The following HNRNPUL2 variants were observed in gnomAD, a reference collection of about 807,000 sequenced individuals.
HNRNPUL2 encodes heterogeneous nuclear ribonucleoprotein U like 2, also known as heterogeneous nuclear ribonucleoprotein U-like protein 2.
A neutral mutation model predicts 102.2 loss-of-function variants in HNRNPUL2; 27 were observed. The ratio of observed to expected loss-of-function variants is 0.26; its 90% CI spans 0.19 to 0.36. HNRNPUL2 has a LOEUF of 0.36. Ranked by LOEUF, HNRNPUL2 falls within the 10% of genes least tolerant of loss-of-function variation. HNRNPUL2 has a pLI of 1.00. For synonymous variants in HNRNPUL2, 458 were observed against 387.2 expected (o/e 1.18, Z -2.15); for missense variants, 936 against 981.1 (o/e 0.95, Z 0.61).
intron 10 of HNRNPUL2, 76 bp from the exon 11 acceptor site, chr11:62,717,265 A>T (rs2083667731): frequency 8.9e-7 from 1 of 1,129,138 alleles, no homozygotes; most frequent in Admixed American, 2.2e-5. Context: ...AAACTCTACA[A>T]GAAGCATATG....
rs748102939 is a variant in HNRNPUL2 at position 62,726,889 on chromosome 11, G to A, written c.268C>T (p.Leu90Phe). The A allele has an allele frequency of 5.7e-6, 9 of 1,572,922 alleles. No homozygotes were observed. In the Admixed American group the frequency reaches 1.2e-4, roughly 22 times the overall value. The change falls in exon 1 of 14, where the codon CTT becomes TTT. Residue 90 changes from leucine to phenylalanine, a missense_variant. Leu to Phe is a conservative substitution (Grantham distance 22). Around this residue, in one of 2 missense-constraint regions of HNRNPUL2, gnomAD observed 327 missense variants for 268.1 expected, o/e 1.22. Coordinates refer to ENST00000301785, the MANE Select transcript of HNRNPUL2 (RefSeq NM_001079559.3). Reference protein sequence around the residue: ...EEEEEDEEALLEDEDEEPPPA... With the variant: ...EEEEEDEEALFEDEDEEPPPA... ...GGTGGCTCCTCGTCCTCGTCCTCAA[G>A]CAGCGCCTCCTCGTCCTCCTCCTCC...
chr11:62,721,832 G>A lies in HNRNPUL2; in HGVS notation c.1470C>T (p.Leu490=). The A allele has an allele frequency of 6.2e-7, 1 of 1,614,112 alleles. No homozygotes were observed. The highest frequency in any genetic ancestry group is 8.5e-7 in the Non-Finnish European group (1 of 1,179,996). Residue 490 remains leucine (L), a synonymous_variant, in exon 8 of 14, where the codon CTC becomes CTT. Transcript: ENST00000301785. Reference sequence around the variant, plus strand: ...AACAGCAACTTACCCTCATTTGATTGAGCACAGTCTCAGCTCCCAGGACAT... The same window carrying A: ...AACAGCAACTTACCCTCATTTGATTAAGCACAGTCTCAGCTCCCAGGACAT... ...RYNVLGAETV[L]NQMRMKGLEE... is the part of the protein sequence containing the mutation.
Position 62,721,327 on chromosome 11 carries a change from A to G in HNRNPUL2, c.1579T>C (p.Ser527Pro). 6.2e-7 allele frequency: 1 copy of G among 1,608,262 alleles called. No homozygotes were observed. Among genetic ancestry groups the G allele is most frequent in the Non-Finnish European group, 8.5e-7 (1 of 1,178,270 alleles). ...AGAATAAAGTTCCTCTTTGTCCGGG[A>G]AGCAATCTGGACCAGCTTACTAAGG... ...QCLSKLVQIA[S>P]RTKRNFILDQ... Residue 527 changes from serine to proline, a missense_variant, in exon 9 of 14, where the codon TCC becomes CCC. Transcript: ENST00000301785.
In HNRNPUL2 at chr11:62,722,686, T is replaced by C. The variant is rs2083712569; in HGVS notation, c.1010A>G (p.Asp337Gly). Reference protein sequence around the residue: ...LGEDEFSYGFDGRGLKAENGQ... With the variant: ...LGEDEFSYGFGGRGLKAENGQ... Reference sequence around the variant, plus strand: ...ATTTTCTGCCTTGAGTCCTCGTCCATCGAAACCGTAAGAGAATTCATCTTC... The same window carrying C: ...ATTTTCTGCCTTGAGTCCTCGTCCACCGAAACCGTAAGAGAATTCATCTTC... Residue 337 changes from aspartate (D) to glycine (G), a missense_variant, in exon 6 of 14, where the codon GAT (aspartate) becomes GGT (glycine). Coordinates refer to ENST00000301785, the MANE Select transcript of HNRNPUL2 (RefSeq NM_001079559.3). 1 of 1,613,994 alleles carries C rather than the reference T, an allele frequency of 6.2e-7. No homozygotes were observed. The highest frequency in any genetic ancestry group is 8.5e-7 in the Non-Finnish European group (1 of 1,179,998).
At chr11:62,716,650 T>C (rs932436685) in intron 11 of HNRNPUL2, among the ~76,000 whole-genome samples, 121 of 152,180 alleles carry the variant, frequency 8.0e-4, no homozygotes, top group Non-Finnish European at 2.2e-4. Context: ...GCACAAATCC[T>C]TCAGATAAGA....
chr11:62,721,998 A>G (rs2083706467), intron 7 of HNRNPUL2, 56 bp from the exon 8 acceptor site: 3 of 1,609,798 alleles, frequency 1.9e-6, no homozygotes, highest in African/African-American at 1.3e-5. Context: ...CATGTTTATC[A>G]AAACCAATTT....
At chr11:62,722,086 A>C (rs777255428) in intron 7 of HNRNPUL2, 31 bp downstream of exon 7, 14 of 1,607,944 alleles carry the variant, frequency 8.7e-6, no homozygotes, top group Middle Eastern at 1.7e-4. Flanking sequence ...CAAAGCATAC[A>C]ACCTCAGTGT....
At position 62,715,395 on chromosome 11, in the gene HNRNPUL2, A is replaced by G. The variant is rs2083652315; in HGVS notation, c.2164-16T>C. ...AACTCTGCCACTAGAAGAGAGGGAA[A>G]CCCCATCACTTGGAGCCAGAGCTGG... On this transcript the variant is annotated splice_polypyrimidine_tract_variant and intron_variant, in intron 13 of 13. Transcript: ENST00000301785. 6.2e-7 allele frequency: 1 copy of G among 1,609,708 alleles called. No individual in the cohort carries two copies.
In HNRNPUL2 at chr11:62,726,492, G is replaced by A. The variant is rs559622976; in HGVS notation, c.538+127C>T. On this transcript the variant is annotated intron_variant, in intron 1 of 13. Transcript: ENST00000301785. ...TCAGAAAGGTGGGTAGAGAATGAAAGGAGTTCCATCAAATGGCACTTTGAG... is the reference window on the plus strand; with the variant it reads ...TCAGAAAGGTGGGTAGAGAATGAAAAGAGTTCCATCAAATGGCACTTTGAG... The A allele has an allele frequency of 4.1e-4, 382 of 938,940 alleles. 5 individuals are homozygous for A. In the South Asian group the frequency reaches 6.9e-3, roughly 17 times the overall value. The allele number at this position is 938,940 out of a possible 1,614,324, so 58.2% of individuals were successfully genotyped here.
intron 10 of HNRNPUL2, among the ~76,000 whole-genome samples, chr11:62,718,793 C>T (rs2083679278): frequency 6.6e-6 from 1 of 151,150 alleles, no homozygotes. Context: ...GAAGCCTCTC[C>T]CTTGATCCTT....
In HNRNPUL2 at chr11:62,727,210, C is replaced by T. The variant is rs1254337687; in HGVS notation, c.-54G>A. 54 of 1,334,662 alleles carry T rather than the reference C, an allele frequency of 4.0e-5. No homozygotes were observed. The Middle Eastern group carries it at 1.7e-3, about 41-fold the overall frequency. 82.7% of individuals were successfully genotyped at this position (1,334,662 alleles called of 1,614,324 possible). ...CGCCTCCTCCCCTGCGAACCGTCGA[C>T]CGAGTCCGACCGCGCAGGCGCCGCC... On this transcript the variant is annotated 5_prime_UTR_variant, in exon 1 of 14. Transcript: ENST00000301785.
chr11:62,727,182 C>G lies in HNRNPUL2; in HGVS notation c.-26G>C. 7.1e-7 allele frequency: 1 copy of G among 1,410,386 alleles called. No individual in the cohort carries two copies. Among genetic ancestry groups the G allele is most frequent in the Non-Finnish European group, 9.2e-7 (1 of 1,082,280 alleles). 87.4% of individuals were successfully genotyped at this position (1,410,386 alleles called of 1,614,324 possible). A position where few individuals can be genotyped will look rare whatever the true frequency, so the allele number is the denominator to read the frequency against. On this transcript the variant is annotated 5_prime_UTR_variant, in exon 1 of 14. Coordinates refer to ENST00000301785, the MANE Select transcript of HNRNPUL2 (RefSeq NM_001079559.3). ...CGCCGCCGCCGCCTCCTCCGCCTCCCGCCGCCTCCTCCCCTGCGAACCGTC... is the reference window on the plus strand; with the variant it reads ...CGCCGCCGCCGCCTCCTCCGCCTCCGGCCGCCTCCTCCCCTGCGAACCGTC...
At chr11:62,716,922 C>A in intron 11 of HNRNPUL2, 67 bp downstream of exon 11, 1 of 1,559,560 alleles carries the variant, frequency 6.4e-7, no homozygotes, top group East Asian at 2.2e-5. Flanking sequence ...CCTTCCCTTG[C>A]ACATCTTGCT....
chr11:62,715,806 A>G lies in HNRNPUL2; in HGVS notation c.2055+58T>C. On this transcript the variant is annotated intron_variant, in intron 12 of 13. Coordinates refer to ENST00000301785, the MANE Select transcript of HNRNPUL2 (RefSeq NM_001079559.3). Reference sequence around the variant, plus strand: ...ACAGGCAAACCACTCTGCTCCCCCAAGCCAACAGAATGGCTCTCACAGCCC... The same window carrying G: ...ACAGGCAAACCACTCTGCTCCCCCAGGCCAACAGAATGGCTCTCACAGCCC... The G allele has an allele frequency of 2.6e-6, 4 of 1,518,368 alleles. No homozygotes were observed. The Middle Eastern group carries it at 6.8e-4, about 258-fold the overall frequency. The allele number at this position is 1,518,368 out of a possible 1,614,324, so 94.1% of individuals were successfully genotyped here.
At position 62,726,882 on chromosome 11, in the gene HNRNPUL2, T is replaced by C. The variant is rs778510201; in HGVS notation, c.275A>G (p.Asp92Gly). Residue 92 changes from aspartate (D) to glycine (G), a missense_variant, in exon 1 of 14, where the codon GAC becomes GGC. Asp to Gly is a moderately conservative substitution (Grantham distance 94, BLOSUM62 -1). Coordinates refer to ENST00000301785, the MANE Select transcript of HNRNPUL2 (RefSeq NM_001079559.3). ...AGCAGGGGGTGGCTCCTCGTCCTCG[T>C]CCTCAAGCAGCGCCTCCTCGTCCTC... ...EEEDEEALLE[D>G]EDEEPPPAQA... 20 of 1,577,436 alleles carry C rather than the reference T, an allele frequency of 1.3e-5. No individual in the cohort carries two copies. The South Asian group carries it at 1.8e-4, about 14-fold the overall frequency.
intron 11 of HNRNPUL2, among the ~76,000 whole-genome samples, 155 bp downstream of exon 11, chr11:62,716,834 G>C (rs1448533971): frequency 6.6e-6 from 1 of 152,190 alleles, no homozygotes; most frequent in African/African-American, 2.4e-5. Flanking sequence ...AAAAGGCAGG[G>C]ATAAAGAACA....
At chr11:62,717,355 T>C (rs1002697684) in intron 10 of HNRNPUL2, among the ~76,000 whole-genome samples, 166 bp from the exon 11 acceptor site, 6 of 152,210 alleles carry the variant, frequency 3.9e-5, no homozygotes, top group African/African-American at 9.6e-5. Flanking sequence ...ACATTAACTT[T>C]TTCTACTCTA....
In HNRNPUL2 at chr11:62,724,049, T is replaced by G. The variant is rs2083725179; in HGVS notation, c.675-59A>C. ...AAACAAAGCCCTCTTCTTTGAGGGG[T>G]GTGTGTGTATGACATTATGTCCATT... On this transcript the variant is annotated intron_variant, in intron 2 of 13. Coordinates refer to ENST00000301785, the MANE Select transcript of HNRNPUL2 (RefSeq NM_001079559.3). 3.5e-5 allele frequency: 47 copies of G among 1,346,234 alleles called. No individual in the cohort carries two copies. In the South Asian group the frequency reaches 4.8e-4, roughly 14 times the overall value. The allele number at this position is 1,346,234 out of a possible 1,614,324, so 83.4% of individuals were successfully genotyped here.
In HNRNPUL2 at chr11:62,717,035, G is replaced by C; in HGVS notation, c.1935C>G (p.Asn645Lys). Reference protein sequence around the residue: ...PSEKRTNRRNNRNKRNRQNRS... With the variant: ...PSEKRTNRRNKRNKRNRQNRS... ...GGTTCTGCCGGTTACGCTTGTTTCGGTTGTTTCGGCGATTTGTCCGCTTCT... is the reference window on the plus strand; with the variant it reads ...GGTTCTGCCGGTTACGCTTGTTTCGCTTGTTTCGGCGATTTGTCCGCTTCT... The change falls in exon 11 of 14, where the codon AAC (asparagine) becomes AAG (lysine). Residue 645 changes from asparagine to lysine, a missense_variant. Around this residue, in one of 2 missense-constraint regions of HNRNPUL2, gnomAD observed 609 missense variants for 713.0 expected, o/e 0.85. Transcript: ENST00000301785. The C allele has an allele frequency of 6.2e-7, 1 of 1,613,840 alleles. No individual in the cohort carries two copies. The highest frequency in any genetic ancestry group is 1.1e-5 in the South Asian group (1 of 91,052).
Sources: gnomAD v4.1 joint callset for allele counts (sites outside exome capture counted in the v4.1 genomes callset) on GRCh38, gnomAD v4.1.1 for gene constraint, gnomAD v4.1.1 regional missense constraint, MANE v1.5 for transcripts, NCBI Gene and HGNC (gene_info 2026-07-23, HGNC 2026-07-21) for gene names.